The following PREX1 variants were observed in gnomAD, a reference collection of about 807,000 sequenced individuals.
PREX1 encodes the protein phosphatidylinositol-3,4,5-trisphosphate dependent Rac exchange factor 1, also known as phosphatidylinositol 3,4,5-trisphosphate-dependent Rac exchanger 1 protein.
A neutral mutation model predicts 198.3 loss-of-function variants in PREX1; 41 were observed. The observed-to-expected ratio is 0.21, with a 90% CI of 0.16 to 0.27. PREX1 has a LOEUF of 0.27. Ranked by LOEUF, PREX1 falls within the 10% of genes least tolerant of loss-of-function variation. The pLI is 1.00. For synonymous variants in PREX1, 843 were observed against 887.2 expected (o/e 0.95, Z 0.89); for missense variants, 1,620 against 2,200.7 (o/e 0.74, Z 5.28).
At position 48,632,483 on chromosome 20, in the gene PREX1, G is replaced by A. The variant is rs2089322733; in HGVS notation, c.4411+13C>T. 1.2e-6 allele frequency: 2 copies of A among 1,613,718 alleles called. No individual in the cohort carries two copies. The highest frequency in any genetic ancestry group is 1.3e-5 in the African/African-American group (1 of 74,996). On this transcript the variant is annotated intron_variant, in intron 34 of 39. Coordinates refer to ENST00000371941, the MANE Select transcript of PREX1 (RefSeq NM_020820.4). ...GCCCCCGTGGTCCTCCCTGCCCCAGGCCTGAAGCTCACCTTTCGTGAACAG... is the reference window on the plus strand; with the variant it reads ...GCCCCCGTGGTCCTCCCTGCCCCAGACCTGAAGCTCACCTTTCGTGAACAG...
intron 1 of PREX1, among the ~76,000 whole-genome samples, chr20:48,757,042 C>T (rs2090158716): frequency 6.6e-6 from 1 of 152,124 alleles, no homozygotes; most frequent in Non-Finnish European, 1.5e-5. Context: ...TACCTCCCAC[C>T]AGGTCCCTCC....
At chr20:48,865,463 G>A in the PREX1 span, among the ~76,000 whole-genome samples, 2 of 152,268 alleles carry the variant, frequency 1.3e-5, no homozygotes, top group South Asian at 2.1e-4. Flanking sequence ...TATTGCAATT[G>A]AGCCCTCTTC....
intron 1 of PREX1, among the ~76,000 whole-genome samples, chr20:48,765,317 TG>T (rs1215635058): frequency 6.6e-6 from 1 of 152,240 alleles, no homozygotes; most frequent in Non-Finnish European, 1.5e-5. Context: ...TAAGGACAGA[TG>T]GTCTAATAAC....
intron 1 of PREX1, among the ~76,000 whole-genome samples, chr20:48,782,530 T>C (rs779243017): frequency 6.6e-6 from 1 of 152,166 alleles, no homozygotes; most frequent in Non-Finnish European, 1.5e-5. Flanking sequence ...CACCCATATA[T>C]CCATTTCTAT....
chr20:48,692,038 C>T (rs779148805), intron 8 of PREX1, among the ~76,000 whole-genome samples: 6 of 152,110 alleles, frequency 3.9e-5, no homozygotes, highest in East Asian at 1.9e-4. Flanking sequence ...CACAGTTGCA[C>T]GCCACCATGT....
chr20:48,869,206 T>C, the PREX1 span, among the ~76,000 whole-genome samples: 1 of 152,188 alleles, frequency 6.6e-6, no homozygotes, highest in African/African-American at 2.4e-5. Context: ...ATAGACTATA[T>C]GTATCCTCAT....
At chr20:48,782,687 C>A (rs1359843193) in intron 1 of PREX1, among the ~76,000 whole-genome samples, 1 of 152,048 alleles carries the variant, frequency 6.6e-6, no homozygotes, top group Non-Finnish European at 1.5e-5. Context: ...ATGAGGAGAC[C>A]AAGCCAGGGG....
chr20:48,630,108 TC>T (rs998018365), intron 36 of PREX1, among the ~76,000 whole-genome samples: 56 of 152,042 alleles, frequency 3.7e-4, no homozygotes, highest in African/African-American at 1.3e-3. Flanking sequence ...CCCACCCTCC[TC>T]CCGGAGCCCC....
chr20:48,783,483 G>A (rs1293469952), intron 1 of PREX1, among the ~76,000 whole-genome samples: 1 of 152,146 alleles, frequency 6.6e-6, no homozygotes, highest in Non-Finnish European at 1.5e-5. Flanking sequence ...CAAAGAGACA[G>A]TGGCCATACC....
intron 5 of PREX1, among the ~76,000 whole-genome samples, chr20:48,708,799 TG>T (rs981876633): frequency 1.3e-4 from 20 of 152,202 alleles, no homozygotes; most frequent in Admixed American, 7.8e-4. Flanking sequence ...GGCGGGCACA[TG>T]TCTGGTATGT....
intron 35 of PREX1, among the ~76,000 whole-genome samples, chr20:48,631,074 G>C (rs1051923349): frequency 2.0e-5 from 3 of 152,200 alleles, no homozygotes; most frequent in Admixed American, 1.3e-4. Context: ...CCCTGGTCCT[G>C]CTTTTTCTCT....
At chr20:48,706,714 C>T (rs1424061282) in intron 6 of PREX1, among the ~76,000 whole-genome samples, 2 of 152,138 alleles carry the variant, frequency 1.3e-5, no homozygotes, top group East Asian at 1.9e-4. Context: ...TGAGAGTCTT[C>T]GAGGATGCAT....
the PREX1 span, among the ~76,000 whole-genome samples, chr20:48,847,812 C>T: frequency 1.3e-5 from 2 of 152,200 alleles, no homozygotes; most frequent in Admixed American, 6.5e-5. Flanking sequence ...CAGCCCCCAT[C>T]CTTCTGATTT....
At chr20:48,725,907 T>C (rs952733187) in intron 5 of PREX1, among the ~76,000 whole-genome samples, 5 of 152,194 alleles carry the variant, frequency 3.3e-5, no homozygotes, top group African/African-American at 7.2e-5. Context: ...AAAGGCTTCA[T>C]GTAATTTGTC....
the PREX1 span, among the ~76,000 whole-genome samples, chr20:48,874,375 GTGT>G: frequency 2.6e-4 from 1 of 3,840 alleles, no homozygotes; most frequent in Non-Finnish European, 4.9e-4. Context: ...GGGTGTCCGT[GTGT>G]GTGTGTGTGT....
intron 1 of PREX1, among the ~76,000 whole-genome samples, chr20:48,757,653 C>T (rs569004596): frequency 6.6e-6 from 1 of 152,114 alleles, no homozygotes; most frequent in African/African-American, 2.4e-5. Context: ...ACGGTGGGAG[C>T]CCCCGGCCCC....
the PREX1 span, among the ~76,000 whole-genome samples, chr20:48,866,787 A>C: frequency 6.6e-6 from 1 of 152,098 alleles, no homozygotes; most frequent in Non-Finnish European, 1.5e-5. Flanking sequence ...AAATTAGCCA[A>C]GTATGGTGGC....
chr20:48,636,230 T>C (rs564878763), intron 32 of PREX1, among the ~76,000 whole-genome samples: 1 of 152,386 alleles, frequency 6.6e-6, no homozygotes, highest in Admixed American at 6.5e-5. Context: ...TGTGTGTGTG[T>C]GCCTCCCTCC....
rs2089260456 is a variant in PREX1, at chr20:48,625,126, C to G, written c.*759G>C. 6.6e-6 allele frequency: 1 copy of G among 152,536 alleles called. No homozygotes were observed. The highest frequency in any genetic ancestry group is 2.4e-5 in the African/African-American group (1 of 41,406). 9.4% of individuals were successfully genotyped at this position (152,536 alleles called of 1,614,324 possible). The stretch of plus-strand genomic sequence containing the variant: ...CTTCTGTTGGTCCCCTGTTAGACAA[C>G]ATACCTTTCTTTGAAATGTAAAATG... On this transcript the variant is annotated 3_prime_UTR_variant, in exon 40 of 40. Transcript: ENST00000371941.
Sources: allele counts gnomAD v4.1 joint callset (sites outside exome capture counted in the v4.1 genomes callset), GRCh38; gene constraint gnomAD v4.1.1; transcripts MANE v1.5; gene names NCBI Gene and HGNC (gene_info 2026-07-23, HGNC 2026-07-21).